ANP32A: variants seen among roughly 807,000 people sequenced by gnomAD.
ANP32A encodes the protein acidic nuclear phosphoprotein 32 family member A, also known as acidic leucine-rich nuclear phosphoprotein 32 family member A.
ANP32A carries 1 observed loss-of-function variant against 33.9 expected under a neutral mutation model. That is an observed-to-expected ratio of 0.03 (90% CI 0.01 to 0.14). ANP32A has a LOEUF of 0.14. ANP32A is among the 10% of genes least tolerant of loss of function. ANP32A has a pLI of 1.00. For missense variants in ANP32A, 155 were observed against 306.0 expected, an observed-to-expected ratio of 0.51 and a Z score of 3.68; for synonymous variants, 115 against 120.5, an observed-to-expected ratio of 0.95 and a Z score of 0.30.
intron 1 of ANP32A, among the ~76,000 whole-genome samples, chr15:68,806,100 G>A (rs1246327458): frequency 1.3e-5 from 2 of 152,322 alleles, no homozygotes; most frequent in South Asian, 4.1e-4. Context: ...ACAGTATTGT[G>A]TATTTGCAGA....
intron 1 of ANP32A, among the ~76,000 whole-genome samples, chr15:68,802,179 T>G (rs776635661): frequency 6.6e-6 from 1 of 152,174 alleles, no homozygotes; most frequent in Non-Finnish European, 1.5e-5. Flanking sequence ...ATTTTTTGAC[T>G]AACACATTCA....
In ANP32A at chr15:68,802,938, G is replaced by A. The variant is rs573154786; in HGVS notation, c.55-15019C>T. ...CAAAGTGCTGGGATTACAGACGTGA[G>A]CCATTGTGCCCAGCCCAGAGTCCTA... On this transcript the variant is annotated intron_variant, in intron 1 of 6. Transcript: ENST00000465139. Among the ~76,000 whole-genome samples, 26 of 152,260 alleles carry A rather than the reference G, an allele frequency of 1.7e-4. No individual in the cohort carries two copies. In the South Asian group the frequency reaches 5.4e-3, roughly 32 times the overall value.
chr15:68,794,790 T>C (rs1032829359), intron 1 of ANP32A, among the ~76,000 whole-genome samples: 1 of 152,228 alleles, frequency 6.6e-6, no homozygotes, highest in African/African-American at 2.4e-5. Context: ...AAGTTAGACA[T>C]TTTGAAAGCT....
chr15:68,794,877 G>A (rs1221057670), intron 1 of ANP32A, among the ~76,000 whole-genome samples: 1 of 152,202 alleles, frequency 6.6e-6, no homozygotes, highest in African/African-American at 2.4e-5. Flanking sequence ...GTTTTTGTGT[G>A]TGTATAGGCA....
intron 1 of ANP32A, among the ~76,000 whole-genome samples, chr15:68,804,147 C>T (rs983520917): frequency 1.4e-4 from 21 of 152,140 alleles, no homozygotes; most frequent in African/African-American, 3.6e-4. Flanking sequence ...TAATCTATTT[C>T]GCTTTCCCAG....
intron 1 of ANP32A, among the ~76,000 whole-genome samples, chr15:68,805,878 C>G (rs923438140): frequency 2.0e-5 from 3 of 152,184 alleles, no homozygotes; most frequent in African/African-American, 7.2e-5. Context: ...CTGTCTCCCC[C>G]AGCGGAACAG....
rs1170010468 is a variant in ANP32A, at chr15:68,778,618, G to A, written c.*1463C>T. The A allele has an allele frequency of 6.6e-6, 1 of 152,104 alleles. No individual in the cohort carries two copies. The highest frequency in any genetic ancestry group is 1.5e-5 in the Non-Finnish European group (1 of 68,022). 9.4% of individuals were successfully genotyped at this position (152,104 alleles called of 1,614,324 possible). A position where few individuals can be genotyped will look rare whatever the true frequency, so the allele number is the denominator to read the frequency against. ...CAATACGACAAACAAAACAATGAAA[G>A]ATATTCAAAACAAGGTTCCAAGGTT... On this transcript the variant is annotated 3_prime_UTR_variant, in exon 7 of 7. Coordinates refer to ENST00000465139, the MANE Select transcript of ANP32A (RefSeq NM_006305.4).
chr15:68,787,237 TG>T, intron 3 of ANP32A, 175 bp downstream of exon 3: 1 of 884,496 alleles, frequency 1.1e-6, no homozygotes, highest in Non-Finnish European at 1.7e-6. Flanking sequence ...TTAACTTCTC[TG>T]GGCCTCAGTT....
At chr15:68,808,445 CTT>C (rs2140371885) in intron 1 of ANP32A, among the ~76,000 whole-genome samples, 1 of 152,352 alleles carries the variant, frequency 6.6e-6, no homozygotes, top group African/African-American at 2.4e-5. Flanking sequence ...TAACCACTCT[CTT>C]CTCTCCTACC....
intron 1 of ANP32A, among the ~76,000 whole-genome samples, chr15:68,819,636 G>A (rs1204143983): frequency 1.3e-5 from 2 of 152,222 alleles, no homozygotes; most frequent in Non-Finnish European, 2.9e-5. Context: ...GGCGCCGAAT[G>A]GCTGCCGACA....
Position 68,817,390 on chromosome 15 carries a change from C to T in ANP32A, c.54+3308G>A, listed in dbSNP as rs962797316. The T allele has an allele frequency of 2.6e-5, 4 of 152,438 alleles. No homozygotes were observed. The East Asian group carries it at 5.8e-4, about 22-fold the overall frequency. 9.4% of individuals were successfully genotyped at this position (152,438 alleles called of 1,614,324 possible). ...AAACACGGAGCTCGACCTACCTTCC[C>T]GGAGAGCCCAGCCCGGGAGGGCGTT... is the stretch of plus-strand genomic sequence containing the variant. On this transcript the variant is annotated intron_variant, in intron 1 of 6. Coordinates refer to ENST00000465139, the MANE Select transcript of ANP32A (RefSeq NM_006305.4).
chr15:68,807,106 G>A (rs537802119), intron 1 of ANP32A, among the ~76,000 whole-genome samples: 28 of 152,354 alleles, frequency 1.8e-4, no homozygotes, highest in African/African-American at 6.0e-4. Flanking sequence ...ACGCTGCTGC[G>A]TGCCCTGGAA....
chr15:68,804,027 C>T, intron 1 of ANP32A, among the ~76,000 whole-genome samples: 1 of 152,006 alleles, frequency 6.6e-6, no homozygotes, highest in Non-Finnish European at 1.5e-5. Flanking sequence ...GTCTTGATCT[C>T]CTGACTTCAT....
intron 1 of ANP32A, 28 bp downstream of exon 1, chr15:68,820,670 G>A (rs1266977544): frequency 1.3e-6 from 2 of 1,554,512 alleles, no homozygotes; most frequent in Non-Finnish European, 8.7e-7. Flanking sequence ...AGAATGGACC[G>A]ACAGAGATAT....
At chr15:68,816,655 A>G (rs1894386167) in intron 1 of ANP32A, among the ~76,000 whole-genome samples, 1 of 152,334 alleles carries the variant, frequency 6.6e-6, no homozygotes, top group African/African-American at 2.4e-5. Flanking sequence ...CTGATTAAAT[A>G]GGATTATTCC....
rs1893839458 is a variant in ANP32A, at chr15:68,779,681, TAA to T, written c.*398_*399del. 1 of 174,636 alleles carries T rather than the reference TAA, an allele frequency of 5.7e-6. No individual in the cohort carries two copies. Among genetic ancestry groups the T allele is most frequent in the African/African-American group, 2.4e-5 (1 of 41,982 alleles). 10.8% of individuals were successfully genotyped at this position (174,636 alleles called of 1,614,324 possible). ...TGCTCAGCCCCTCCTGGGCATTGAGTAACCAAACTGAGACCAGCCACAGCCTT... is the reference window on the plus strand; with the variant it reads ...TGCTCAGCCCCTCCTGGGCATTGAGTCCAAACTGAGACCAGCCACAGCCTT... On this transcript the variant is annotated 3_prime_UTR_variant, in exon 7 of 7. Transcript: ENST00000465139.
Position 68,779,678 on chromosome 15 carries a change from G to C in ANP32A, c.*403C>G. 5.7e-6 allele frequency: 1 copy of C among 175,194 alleles called. No individual in the cohort carries two copies. Among genetic ancestry groups the C allele is most frequent in the South Asian group, 1.5e-4 (1 of 6,684 alleles). The allele number at this position is 175,194 out of a possible 1,614,324, so 10.9% of individuals were successfully genotyped here. A position where few individuals can be genotyped will look rare whatever the true frequency, so the allele number is the denominator to read the frequency against. ...TGGTGCTCAGCCCCTCCTGGGCATT[G>C]AGTAACCAAACTGAGACCAGCCACA... is the stretch of plus-strand genomic sequence containing the variant. On this transcript the variant is annotated 3_prime_UTR_variant, in exon 7 of 7. Coordinates refer to ENST00000465139, the MANE Select transcript of ANP32A (RefSeq NM_006305.4).
At chr15:68,803,393 C>G (rs1195015502) in intron 1 of ANP32A, among the ~76,000 whole-genome samples, 1 of 152,218 alleles carries the variant, frequency 6.6e-6, no homozygotes, top group African/African-American at 2.4e-5. Context: ...CATTGCCATG[C>G]CTGTTCCACA....
rs1893845316 is a variant in ANP32A, at chr15:68,780,005, GGA to G, written c.*74_*75del. ...AAAATAAGTTTCAGGGGGCAGGATT[GGA>G]GGGGGGGGGGAGAGGGGATATGGGT... On this transcript the variant is annotated 3_prime_UTR_variant, in exon 7 of 7. Coordinates refer to ENST00000465139, the MANE Select transcript of ANP32A (RefSeq NM_006305.4). The surrounding 1 kb of genome is among the most constrained non-coding windows in gnomAD (Gnocchi z 4.3). The G allele has an allele frequency of 1.9e-4, 257 of 1,354,708 alleles. No individual in the cohort carries two copies. Among genetic ancestry groups the G allele is most frequent in the South Asian group, 1.2e-3 (98 of 79,824 alleles). The allele number at this position is 1,354,708 out of a possible 1,614,324, so 83.9% of individuals were successfully genotyped here. A position where few individuals can be genotyped will look rare whatever the true frequency, so the allele number is the denominator to read the frequency against.
Sources: allele counts gnomAD v4.1 joint callset (sites outside exome capture counted in the v4.1 genomes callset), GRCh38; gene constraint gnomAD v4.1.1; non-coding constraint Gnocchi (gnomAD v3.1); transcripts MANE v1.5; gene names NCBI Gene and HGNC (gene_info 2026-07-23, HGNC 2026-07-21).